TMEM94: variants seen among roughly 807,000 people sequenced by gnomAD.
The protein encoded by TMEM94 is ER Mg2+ ATPase.
Under a neutral mutation model 158.6 loss-of-function variants are expected in TMEM94, and 81 were observed. The observed-to-expected ratio is 0.51, with a 90% CI of 0.43 to 0.61. TMEM94 has a LOEUF of 0.61. Among genes scored for constraint, TMEM94 ranks in the 20% least tolerant of loss-of-function variants. TMEM94 has a pLI of 0.00. For synonymous variants in TMEM94, 751 were observed against 730.7 expected, an observed-to-expected ratio of 1.03 and a Z score of -0.45; for missense variants, 1,435 against 1,762.0, an observed-to-expected ratio of 0.81 and a Z score of 3.32.
chr17:75,491,242 GCCC>G lies in TMEM94; in HGVS notation c.1234-59_1234-57del. 6.5e-7 allele frequency: 1 copy of G among 1,543,968 alleles called. No individual in the cohort carries two copies. On this transcript the variant is annotated intron_variant, in intron 12 of 31. Transcript: ENST00000314256. This position sits in a 1 kb window ranked among gnomAD's most constrained non-coding sequence, Gnocchi z 5.1. ...GGGCTGCCCACCTGCCGCTTGAGTG[GCCC>G]CTGGGCAGGATAGGCTAATGCCAGG...
chr17:75,486,529 C>G, intron 5 of TMEM94, 103 bp downstream of exon 5: 1 of 1,384,182 alleles, frequency 7.2e-7, no homozygotes, highest in South Asian at 1.3e-5. Context: ...TGCCTGTGGC[C>G]AGCATTGCAG....
Position 75,484,549 on chromosome 17 carries a change from C to G in TMEM94, c.25-879C>G, listed in dbSNP as rs888183661. Among the ~76,000 whole-genome samples the G allele has an allele frequency of 2.6e-5, 4 of 151,848 alleles. No individual in the cohort carries two copies. In the East Asian group the frequency reaches 7.9e-4, roughly 30 times the overall value. On this transcript the variant is annotated intron_variant, in intron 2 of 31. Transcript: ENST00000314256. ...GAGTAGCTGGGTGCATGCCACTATGCCCAGCTAATTTTTTCTTTCTGATTT... is the reference window on the plus strand; with the variant it reads ...GAGTAGCTGGGTGCATGCCACTATGGCCAGCTAATTTTTTCTTTCTGATTT...
At chr17:75,497,228 C>T (rs2052785021) in intron 26 of TMEM94, 30 bp downstream of exon 26, 1 of 1,574,794 alleles carries the variant, frequency 6.4e-7, no homozygotes, top group Non-Finnish European at 8.7e-7. Context: ...CCCCACACCC[C>T]ATGCCTAAGC....
At chr17:75,481,889 T>G (rs1303298087) in intron 2 of TMEM94, among the ~76,000 whole-genome samples, 1 of 152,234 alleles carries the variant, frequency 6.6e-6, no homozygotes, top group Non-Finnish European at 1.5e-5. Context: ...CTTCAGGCGC[T>G]GCCTTTCATG....
chr17:75,484,941 G>A (rs999752211), intron 2 of TMEM94, among the ~76,000 whole-genome samples: 2 of 151,916 alleles, frequency 1.3e-5, no homozygotes, highest in African/African-American at 4.8e-5. Context: ...GGGAGGCTGA[G>A]GCGGGAGAAT....
chr17:75,492,153 G>T lies in TMEM94; in HGVS notation c.1596+253G>T. On this transcript the variant is annotated intron_variant, in intron 14 of 31. Transcript: ENST00000314256. The surrounding 1 kb of genome is among the most constrained non-coding windows in gnomAD (Gnocchi z 4.4). ...TACTGGAACCTTCCAAATATACACA[G>T]CCCGGAGCTCCCTCTTAGAGATGTT... 1 of 962,342 alleles carries T rather than the reference G, an allele frequency of 1.0e-6. No individual in the cohort carries two copies. Among genetic ancestry groups the T allele is most frequent in the Non-Finnish European group, 1.5e-6 (1 of 669,996 alleles). The allele number at this position is 962,342 out of a possible 1,614,324, so 59.6% of individuals were successfully genotyped here. A position where few individuals can be genotyped will look rare whatever the true frequency, so the allele number is the denominator to read the frequency against.
At chr17:75,480,951 A>G (rs1298232143) in intron 2 of TMEM94, among the ~76,000 whole-genome samples, 1 of 152,126 alleles carries the variant, frequency 6.6e-6, no homozygotes, top group Non-Finnish European at 1.5e-5. Context: ...GAAGCTCAGA[A>G]GGCTGAGCCT....
At position 75,487,453 on chromosome 17, in the gene TMEM94, C is replaced by G. The variant is rs1450318544; in HGVS notation, c.410-479C>G. 1.2e-5 allele frequency: 2 copies of G among 161,390 alleles called. No homozygotes were observed. The highest frequency in any genetic ancestry group is 1.9e-4 in the East Asian group (1 of 5,344). The allele number at this position is 161,390 out of a possible 1,614,324, so 10.0% of individuals were successfully genotyped here. Reference sequence around the variant, plus strand: ...GGCCCATCCCCAGTGCTTCCTCTTTCAGGAAGCCACCTCTGATCGCCCCAG... The same window carrying G: ...GGCCCATCCCCAGTGCTTCCTCTTTGAGGAAGCCACCTCTGATCGCCCCAG... On this transcript the variant is annotated intron_variant, in intron 5 of 31. Coordinates refer to ENST00000314256, the MANE Select transcript of TMEM94 (RefSeq NM_014738.6). This position sits in a 1 kb window ranked among gnomAD's most constrained non-coding sequence, Gnocchi z 4.6.
intron 10 of TMEM94, 138 bp from the exon 11 acceptor site, chr17:75,490,564 G>T: frequency 1.1e-6 from 1 of 883,042 alleles, no homozygotes; most frequent in Non-Finnish European, 1.7e-6. Flanking sequence ...TCCACCAGGT[G>T]GGGAGTCAGA....
At chr17:75,464,802 G>A (rs1262021850) in intron 1 of TMEM94, among the ~76,000 whole-genome samples, 5 of 151,646 alleles carry the variant, frequency 3.3e-5, no homozygotes, top group Non-Finnish European at 7.4e-5. Context: ...TCCGCCTCCT[G>A]AGTTCATGCG....
chr17:75,493,950 T>C (rs2052449371), intron 18 of TMEM94, 34 bp downstream of exon 18: 1 of 1,584,980 alleles, frequency 6.3e-7, no homozygotes. Flanking sequence ...GGGCTGGTGC[T>C]GGGGCTCCCC....
intron 6 of TMEM94, among the ~76,000 whole-genome samples, chr17:75,488,335 G>A (rs2051809911): frequency 6.6e-6 from 1 of 152,176 alleles, no homozygotes; most frequent in Non-Finnish European, 1.5e-5. Flanking sequence ...GGAGTGCAGT[G>A]GCACGATCTC....
At chr17:75,459,056 CAA>C (rs56267733) in intron 1 of TMEM94, among the ~76,000 whole-genome samples, 1 of 94,774 alleles carries the variant, frequency 1.1e-5, no homozygotes. Flanking sequence ...GACTCCGTCT[CAA>C]AAAAAAAAAA....
chr17:75,494,055 G>A (rs556335146), intron 18 of TMEM94, 139 bp downstream of exon 18: 18 of 767,008 alleles, frequency 2.3e-5, no homozygotes, highest in Admixed American at 1.1e-4. Flanking sequence ...AGGCTGGGAC[G>A]CCAGTGTGGC....
At chr17:75,497,990 C>G in intron 27 of TMEM94, 128 bp downstream of exon 27, 1 of 1,163,062 alleles carries the variant, frequency 8.6e-7, no homozygotes, top group Non-Finnish European at 1.2e-6. Flanking sequence ...CACTTGGTTC[C>G]TAGTCTTCCC....
intron 26 of TMEM94, 31 bp downstream of exon 26, chr17:75,497,229 A>C: frequency 3.9e-6 from 6 of 1,541,856 alleles, no homozygotes; most frequent in Non-Finnish European, 5.4e-6. Flanking sequence ...CCCACACCCC[A>C]TGCCTAAGCA....
Position 75,495,751 on chromosome 17 carries a change from G to C in TMEM94, c.2944+108G>C. ...GGAGGGATGTAGGTTTCCCATGCAG[G>C]GAGTAAAGGAACCTGGGCTGGGATC... On this transcript the variant is annotated intron_variant, in intron 22 of 31. Transcript: ENST00000314256. The surrounding 1 kb of genome is among the most constrained non-coding windows in gnomAD (Gnocchi z 5.6). 4.6e-6 allele frequency: 5 copies of C among 1,082,970 alleles called. No homozygotes were observed. Among genetic ancestry groups the C allele is most frequent in the Non-Finnish European group, 5.5e-6 (4 of 725,078 alleles). The allele number at this position is 1,082,970 out of a possible 1,614,324, so 67.1% of individuals were successfully genotyped here.
At chr17:75,462,306 G>T (rs1238106282) in intron 1 of TMEM94, among the ~76,000 whole-genome samples, 3 of 152,036 alleles carry the variant, frequency 2.0e-5, no homozygotes, top group Non-Finnish European at 4.4e-5. Flanking sequence ...CTCCCAAAGT[G>T]CTGGGATTAC....
intron 2 of TMEM94, among the ~76,000 whole-genome samples, chr17:75,472,872 C>G (rs916114382): frequency 3.3e-5 from 5 of 152,294 alleles, no homozygotes; most frequent in East Asian, 1.9e-4. Context: ...TCCTTCAAGA[C>G]CTAGTTTTGA....
Sources: gnomAD v4.1 joint callset for allele counts (sites outside exome capture counted in the v4.1 genomes callset) on GRCh38, gnomAD v4.1.1 for gene constraint, Gnocchi (gnomAD v3.1) non-coding constraint, MANE v1.5 for transcripts, NCBI Gene and HGNC (gene_info 2026-07-23, HGNC 2026-07-21) for gene names.